The following PTPRD variants were observed in gnomAD, a reference collection of about 807,000 sequenced individuals.
PTPRD encodes the protein receptor-type tyrosine-protein phosphatase delta.
In PTPRD, 34 loss-of-function variants were observed where a neutral mutation model predicts 214.5. That is an observed-to-expected ratio of 0.16 (90% CI 0.12 to 0.21). PTPRD has a LOEUF of 0.21. Among genes scored for constraint, PTPRD ranks in the 10% least tolerant of loss-of-function variants. The pLI is 1.00. For synonymous variants in PTPRD, 1,128 were observed against 845.7 expected, an observed-to-expected ratio of 1.33 and a Z score of -5.79; for missense variants, 2,545 against 2,398.7, an observed-to-expected ratio of 1.06 and a Z score of -1.27.
intron 10 of PTPRD, among the ~76,000 whole-genome samples, chr9:9,073,121 A>C (rs2099746227): frequency 6.6e-6 from 1 of 152,208 alleles, no homozygotes; most frequent in South Asian, 2.1e-4. Flanking sequence ...TGTTGAGGGA[A>C]ACACTAATTA....
rs1406151909 is a variant in PTPRD, at chr9:9,789,896, C to A, written c.-367-23045G>T. ...AGGTAAACATTGTAGCTACTGAAAT[C>A]TCTCATAAATTCTCTGGATGAACTT... On this transcript the variant is annotated intron_variant, in intron 5 of 45. Transcript: ENST00000381196. Among the ~76,000 whole-genome samples the A allele has an allele frequency of 3.3e-5, 5 of 150,442 alleles. No homozygotes were observed. The East Asian group carries it at 9.9e-4, about 30-fold the overall frequency.
Position 10,037,709 on chromosome 9 carries a change from G to A in PTPRD, c.-544-3919C>T, listed in dbSNP as rs181222965. On this transcript the variant is annotated intron_variant, in intron 3 of 45. Coordinates refer to ENST00000381196, the MANE Select transcript of PTPRD (RefSeq NM_002839.4). ...AATATTTGAGAGAGGATCAATCTTC[G>A]TTTTCTTGGAAAAGATGTCATTTAT... Among the ~76,000 whole-genome samples the A allele has an allele frequency of 4.6e-5, 7 of 151,934 alleles. No homozygotes were observed. In the East Asian group the frequency reaches 5.8e-4, roughly 13 times the overall value.
chr9:8,588,082 T>C (rs1273537606), intron 14 of PTPRD, among the ~76,000 whole-genome samples: 3 of 152,242 alleles, frequency 2.0e-5, no homozygotes, highest in African/African-American at 7.2e-5. Context: ...ATGGTGTAAT[T>C]GGTTTTAATT....
intron 9 of PTPRD, among the ~76,000 whole-genome samples, chr9:9,303,315 A>C (rs918354692): frequency 6.6e-6 from 1 of 151,996 alleles, no homozygotes; most frequent in East Asian, 1.9e-4. Context: ...TGGTTTCATA[A>C]AAGACATGAA....
intron 2 of PTPRD, among the ~76,000 whole-genome samples, chr9:10,425,358 T>C (rs2098603367): frequency 6.6e-6 from 1 of 151,994 alleles, no homozygotes; most frequent in African/African-American, 2.4e-5. Context: ...TTCTATTACC[T>C]ATCATAGTCA....
intron 12 of PTPRD, among the ~76,000 whole-genome samples, chr9:8,674,869 T>C (rs974265573): frequency 3.3e-5 from 5 of 152,174 alleles, no homozygotes; most frequent in African/African-American, 1.2e-4. Context: ...TGGGGTTTTT[T>C]TGCTTCCTTC....
At position 9,950,596 on chromosome 9, in the gene PTPRD, C is replaced by A. The variant is rs527637594; in HGVS notation, c.-471-11986G>T. 1.1e-3 allele frequency among the ~76,000 whole-genome samples: 85 copies of A among 80,946 alleles called. 16 individuals are homozygous for A. The highest frequency in any genetic ancestry group is 1.4e-3 in the Non-Finnish European group (70 of 50,614). 53.1% of individuals were successfully genotyped at this position (80,946 alleles called of 152,430 possible). On this transcript the variant is annotated intron_variant, in intron 4 of 45. Transcript: ENST00000381196. ...AAAATTAGCCGGGCGAGGTGGTGGACGCCTGTAGTCCCAGCTACTTGGGAG... is the reference window on the plus strand; with the variant it reads ...AAAATTAGCCGGGCGAGGTGGTGGAAGCCTGTAGTCCCAGCTACTTGGGAG...
At chr9:9,411,323 T>C (rs974455218) in intron 8 of PTPRD, among the ~76,000 whole-genome samples, 1 of 150,850 alleles carries the variant, frequency 6.6e-6, no homozygotes, top group East Asian at 2.0e-4. Context: ...TCTCATAAAA[T>C]TGTGCCTTCT....
At chr9:10,085,026 A>C (rs2098310473) in intron 3 of PTPRD, among the ~76,000 whole-genome samples, 1 of 151,940 alleles carries the variant, frequency 6.6e-6, no homozygotes, top group Non-Finnish European at 1.5e-5. Flanking sequence ...TGTCTTTTAA[A>C]GTAAAGGATG....
intron 35 of PTPRD, among the ~76,000 whole-genome samples, chr9:8,430,384 C>A (rs2094962646): frequency 6.6e-6 from 1 of 151,912 alleles, no homozygotes; most frequent in Non-Finnish European, 1.5e-5. Context: ...GATCCTCCCA[C>A]CTCAGCCTCC....
intron 9 of PTPRD, among the ~76,000 whole-genome samples, chr9:9,201,553 G>A (rs911628836): frequency 1.3e-5 from 2 of 151,870 alleles, no homozygotes; most frequent in Non-Finnish European, 2.9e-5. Context: ...TTATAGACTT[G>A]GTGATTAAAA....
chr9:10,247,393 C>T (rs534598375), intron 3 of PTPRD, among the ~76,000 whole-genome samples: 27 of 152,198 alleles, frequency 1.8e-4, no homozygotes, highest in South Asian at 4.1e-4. Context: ...TTATTAATTA[C>T]GTAAAAAATT....
chr9:10,224,134 TAAG>T (rs1214198175), intron 3 of PTPRD, among the ~76,000 whole-genome samples: 1 of 152,016 alleles, frequency 6.6e-6, no homozygotes, highest in African/African-American at 2.4e-5. Flanking sequence ...ATACAAATAT[TAAG>T]AAGGATAATC....
At chr9:8,796,716 A>G (rs1185477294) in intron 11 of PTPRD, among the ~76,000 whole-genome samples, 1 of 152,142 alleles carries the variant, frequency 6.6e-6, no homozygotes, top group Non-Finnish European at 1.5e-5. Flanking sequence ...TATGTAGGAG[A>G]CTAAACATGG....
In PTPRD at chr9:8,815,380, G is replaced by A. The variant is rs116815345; in HGVS notation, c.-103-81434C>T. ...TACACAAAAATAAATATTGAGATGA[G>A]TTAGGCTCAAAATGTGATCCAGTCT... On this transcript the variant is annotated intron_variant, in intron 11 of 45. Coordinates refer to ENST00000381196, the MANE Select transcript of PTPRD (RefSeq NM_002839.4). 1.7e-3 allele frequency among the ~76,000 whole-genome samples: 259 copies of A among 152,222 alleles called. 2 individuals carry two copies. The highest frequency in any genetic ancestry group is 5.8e-3 in the African/African-American group (242 of 41,546).
chr9:9,024,356 T>TCTG (rs1554639644), intron 10 of PTPRD, among the ~76,000 whole-genome samples: 1 of 147,082 alleles, frequency 6.8e-6, no homozygotes, highest in Non-Finnish European at 1.5e-5. Context: ...TTGTTTGTTT[T>TCTG]TTTTTTTTTC....
intron 10 of PTPRD, among the ~76,000 whole-genome samples, chr9:9,172,583 T>C (rs1190723142): frequency 2.0e-5 from 3 of 152,152 alleles, no homozygotes; most frequent in Admixed American, 2.0e-4. Context: ...ATTGGCTTAT[T>C]CATGATAGAT....
intron 27 of PTPRD, among the ~76,000 whole-genome samples, chr9:8,487,747 T>G (rs1388688552): frequency 2.0e-5 from 3 of 151,864 alleles, no homozygotes; most frequent in Non-Finnish European, 4.4e-5. Context: ...GAGGCAGAGG[T>G]TGCAGTGAGC....
chr9:8,843,216 C>T (rs1309653574), intron 11 of PTPRD, among the ~76,000 whole-genome samples: 1 of 152,182 alleles, frequency 6.6e-6, no homozygotes, highest in Non-Finnish European at 1.5e-5. Context: ...TATTTGATTT[C>T]CATGGAAGTG....
Sources: allele counts gnomAD v4.1 joint callset (sites outside exome capture counted in the v4.1 genomes callset), GRCh38; gene constraint gnomAD v4.1.1; transcripts MANE v1.5; gene names NCBI Gene and HGNC (gene_info 2026-07-23, HGNC 2026-07-21).